DZANK1: variants seen among roughly 807,000 people sequenced by gnomAD.
DZANK1 encodes double zinc ribbon and ankyrin repeat domains 1, also known as double zinc ribbon and ankyrin repeat-containing protein 1.
In DZANK1, 91 loss-of-function variants were observed where a neutral mutation model predicts 94.5. That is an observed-to-expected ratio of 0.96 (90% CI 0.81 to 1.15). DZANK1 has a LOEUF of 1.15. Ranked by LOEUF, DZANK1 falls within the 50% of genes most tolerant of loss-of-function variation. The probability of loss-of-function intolerance (pLI) is 0.00; values close to 1 mark genes in which losing one functional copy is unlikely to be tolerated. For missense variants in DZANK1, 903 were observed against 916.4 expected, an observed-to-expected ratio of 0.99 and a Z score of 0.19; for synonymous variants, 312 against 325.3, an observed-to-expected ratio of 0.96 and a Z score of 0.44.
At chr20:18,435,186 A>AG (rs1193194624) in intron 8 of DZANK1, among the ~76,000 whole-genome samples, 2 of 152,170 alleles carry the variant, frequency 1.3e-5, no homozygotes, top group Non-Finnish European at 2.9e-5. Context: ...ATCCATCAGC[A>AG]GGGAGTGGAG....
At chr20:18,439,549 T>G (rs1443234298) in intron 8 of DZANK1, among the ~76,000 whole-genome samples, 1 of 152,188 alleles carries the variant, frequency 6.6e-6, no homozygotes, top group East Asian at 1.9e-4. Flanking sequence ...ATTACTGTCC[T>G]TGTCTTTGGC....
chr20:18,404,086 G>T (rs567546806), intron 13 of DZANK1, among the ~76,000 whole-genome samples: 1 of 151,838 alleles, frequency 6.6e-6, no homozygotes, highest in African/African-American at 2.4e-5. Flanking sequence ...CCACCGCGCC[G>T]GGCCACAGAT....
intron 6 of DZANK1, chr20:18,452,051 G>A (rs1012322690): frequency 4.7e-5 from 18 of 386,294 alleles, no homozygotes; most frequent in African/African-American, 2.8e-4. Context: ...ATACCTGACC[G>A]TTAGAATCAT....
At chr20:18,460,492 G>A (rs2148813224) in intron 2 of DZANK1, among the ~76,000 whole-genome samples, 186 bp from the exon 3 acceptor site, 1 of 152,332 alleles carries the variant, frequency 6.6e-6, no homozygotes, top group East Asian at 1.9e-4. Context: ...CACTTTGGGA[G>A]GCCGAGGCGG....
exon 2 of DZANK1, chr20:18,465,259 T>C (rs1275493796): frequency 6.3e-7 from 1 of 1,589,928 alleles, no homozygotes; most frequent in Non-Finnish European, 8.6e-7. Flanking sequence ...CCTGATTTCA[T>C]TTCCAAAAGC....
chr20:18,388,612 T>C (rs1354020210), intron 19 of DZANK1, among the ~76,000 whole-genome samples: 1 of 152,190 alleles, frequency 6.6e-6, no homozygotes, highest in Non-Finnish European at 1.5e-5. Flanking sequence ...ATTTTATTAA[T>C]AATGACAATA....
intron 7 of DZANK1, among the ~76,000 whole-genome samples, chr20:18,448,381 C>T (rs751851037): frequency 6.6e-5 from 10 of 152,032 alleles, no homozygotes; most frequent in South Asian, 2.1e-4. Flanking sequence ...CTGTGATGAG[C>T]GGGGGTAAAA....
At chr20:18,399,883 C>G (rs1197377307) in intron 13 of DZANK1, among the ~76,000 whole-genome samples, 1 of 152,206 alleles carries the variant, frequency 6.6e-6, no homozygotes. Flanking sequence ...TGCAAACCCA[C>G]ATTGGATCCC....
intron 8 of DZANK1, among the ~76,000 whole-genome samples, chr20:18,434,917 C>T (rs939176944): frequency 3.9e-5 from 6 of 152,186 alleles, no homozygotes; most frequent in African/African-American, 1.4e-4. Flanking sequence ...AATCGATGCA[C>T]TGACTGGCAA....
At chr20:18,446,053 C>T (rs561182692) in intron 7 of DZANK1, among the ~76,000 whole-genome samples, 2 of 145,368 alleles carry the variant, frequency 1.4e-5, no homozygotes, top group East Asian at 2.1e-4. Flanking sequence ...GCATGGGCCA[C>T]CACGCCCAGC....
Position 18,431,106 on chromosome 20 carries a change from C to CA in DZANK1, c.861+2545dup, listed in dbSNP as rs11480900. ...TATCTTTGGATTATTTCATTTGTTA[C>CA]AAAAAATTAGGTATTAATTATTTTA... On this transcript the variant is annotated intron_variant, in intron 9 of 20. Transcript: ENST00000262547. Among the ~76,000 whole-genome samples the CA allele has an allele frequency of 2.8e-3, 427 of 151,650 alleles. 3 individuals carry two copies. The highest frequency in any genetic ancestry group is 0.016 in the East Asian group (83 of 5,164).
At chr20:18,419,493 A>T (rs886657743) in intron 10 of DZANK1, among the ~76,000 whole-genome samples, 3 of 152,214 alleles carry the variant, frequency 2.0e-5, no homozygotes, top group Non-Finnish European at 4.4e-5. Context: ...CATTATAGCC[A>T]AACTGCTGAA....
chr20:18,404,289 G>A (rs2056843124), intron 13 of DZANK1, among the ~76,000 whole-genome samples: 1 of 152,080 alleles, frequency 6.6e-6, no homozygotes, highest in Admixed American at 6.5e-5. Context: ...TTATGCCCCA[G>A]GTCATGGTTG....
intron 8 of DZANK1, among the ~76,000 whole-genome samples, chr20:18,435,555 T>C (rs952169742): frequency 2.0e-5 from 3 of 151,892 alleles, no homozygotes; most frequent in Admixed American, 2.0e-4. Context: ...TGAGAACACA[T>C]GGACACAGGG....
intron 19 of DZANK1, among the ~76,000 whole-genome samples, chr20:18,387,010 G>T (rs1452062972): frequency 6.6e-6 from 1 of 152,156 alleles, no homozygotes; most frequent in South Asian, 2.1e-4. Context: ...AAAGAAAGAG[G>T]TTTAACTGGA....
intron 8 of DZANK1, among the ~76,000 whole-genome samples, chr20:18,434,406 G>T (rs1017892825): frequency 1.3e-5 from 2 of 151,772 alleles, no homozygotes; most frequent in African/African-American, 4.8e-5. Context: ...TTAGCTGGGC[G>T]TAGTGGCGGG....
intron 7 of DZANK1, among the ~76,000 whole-genome samples, chr20:18,446,652 A>T (rs6111965): frequency 0.35 from 53,233 of 152,126 alleles, 10,283 homozygotes; most frequent in Middle Eastern, 0.45. Flanking sequence ...AAATGTACTT[A>T]TATCTATTAA....
intron 6 of DZANK1, 77 bp downstream of exon 6, chr20:18,452,538 A>G: frequency 6.9e-7 from 1 of 1,456,292 alleles, no homozygotes; most frequent in Non-Finnish European, 9.2e-7. Context: ...GGGGAGGTGC[A>G]GTCTTAAAGT....
chr20:18,444,259 G>T (rs982908879), intron 7 of DZANK1, among the ~76,000 whole-genome samples: 4 of 152,168 alleles, frequency 2.6e-5, no homozygotes, highest in Non-Finnish European at 2.9e-5. Flanking sequence ...CTTCATTACT[G>T]TACCATGGCA....
Sources: allele counts gnomAD v4.1 joint callset (sites outside exome capture counted in the v4.1 genomes callset), GRCh38; gene constraint gnomAD v4.1.1; transcripts MANE v1.5; gene names NCBI Gene and HGNC (gene_info 2026-07-23, HGNC 2026-07-21).